The following PRDM2 variants were observed in gnomAD, a reference collection of about 807,000 sequenced individuals.
PRDM2 encodes the protein PR/SET domain 2.
In PRDM2, 30 loss-of-function variants were observed where a neutral mutation model predicts 130.0. The observed-to-expected ratio is 0.23, with a 90% CI of 0.17 to 0.31. PRDM2 has a LOEUF of 0.31. Ranked by LOEUF, PRDM2 falls within the 10% of genes least tolerant of loss-of-function variation. The pLI is 1.00. For synonymous variants in PRDM2, 871 were observed against 782.4 expected (o/e 1.11, Z -1.89); for missense variants, 2,011 against 2,108.4 (o/e 0.95, Z 0.90).
chr1:13,765,539 C>T (rs917205903), intron 6 of PRDM2, among the ~76,000 whole-genome samples: 2 of 151,976 alleles, frequency 1.3e-5, no homozygotes, highest in Non-Finnish European at 2.9e-5. Context: ...GATCTAGGCT[C>T]ACTGCAGCCT....
chr1:13,719,816 AG>A, intron 2 of PRDM2, among the ~76,000 whole-genome samples: 1 of 152,206 alleles, frequency 6.6e-6, no homozygotes, highest in Non-Finnish European at 1.5e-5. Flanking sequence ...GTTCCAGCAT[AG>A]TAGCTTAGAT....
chr1:13,819,224 G>A (rs922356751), intron 9 of PRDM2, among the ~76,000 whole-genome samples: 7 of 152,216 alleles, frequency 4.6e-5, no homozygotes, highest in Non-Finnish European at 1.0e-4. Context: ...ATTTCTGTTG[G>A]CCACTGCAGG....
chr1:13,745,863 C>T (rs562011182), intron 5 of PRDM2, among the ~76,000 whole-genome samples: 2 of 152,082 alleles, frequency 1.3e-5, no homozygotes, highest in East Asian at 1.9e-4. Context: ...CACCCACTGG[C>T]GAGTTGAGGC....
chr1:13,718,497 G>T (rs778012346), intron 2 of PRDM2, among the ~76,000 whole-genome samples: 5 of 152,286 alleles, frequency 3.3e-5, no homozygotes, highest in Non-Finnish European at 7.4e-5. Flanking sequence ...GCGCTCAGTT[G>T]TATCAGTGTG....
intron 1 of PRDM2, among the ~76,000 whole-genome samples, chr1:13,713,807 G>A (rs1448710927): frequency 6.6e-6 from 1 of 152,126 alleles, no homozygotes; most frequent in Non-Finnish European, 1.5e-5. Context: ...GGCGTTTCTG[G>A]TCGAGGGTCA....
intron 4 of PRDM2, among the ~76,000 whole-genome samples, chr1:13,739,512 G>A (rs942731743): frequency 4.6e-5 from 7 of 152,028 alleles, no homozygotes; most frequent in East Asian, 1.9e-4. Context: ...GAAATAAATC[G>A]TGCCATATAA....
At chr1:13,750,941 G>A (rs78384618) in intron 6 of PRDM2, among the ~76,000 whole-genome samples, 2,632 of 152,212 alleles carry the variant, frequency 0.017, 65 homozygotes, top group African/African-American at 0.061. Context: ...TAAGTTATTT[G>A]TAGGGGGCTG....
intron 8 of PRDM2, among the ~76,000 whole-genome samples, chr1:13,792,056 G>T (rs1644849032): frequency 6.6e-6 from 1 of 152,132 alleles, no homozygotes; most frequent in Non-Finnish European, 1.5e-5. Context: ...ACTCAGTGAG[G>T]GGAGAAAGAA....
intron 8 of PRDM2, among the ~76,000 whole-genome samples, chr1:13,783,441 G>T (rs1480809314): frequency 1.3e-5 from 2 of 152,186 alleles, no homozygotes; most frequent in Non-Finnish European, 2.9e-5. Context: ...GATCTGGATG[G>T]GAAGCAGAGC....
At chr1:13,791,047 T>A (rs968844083) in intron 8 of PRDM2, among the ~76,000 whole-genome samples, 3 of 152,040 alleles carry the variant, frequency 2.0e-5, no homozygotes, top group South Asian at 2.1e-4. Context: ...GGCACACAAC[T>A]CTAAGGTGGC....
intron 8 of PRDM2, chr1:13,787,532 T>C: frequency 1.0e-6 from 1 of 983,000 alleles, no homozygotes; most frequent in South Asian, 4.7e-5. Flanking sequence ...ATTTGTTTGG[T>C]GAATTTGTGC....
intron 8 of PRDM2, among the ~76,000 whole-genome samples, chr1:13,796,100 T>G (rs1269306731): frequency 6.6e-6 from 1 of 152,224 alleles, no homozygotes; most frequent in African/African-American, 2.4e-5. Flanking sequence ...AATTTCACCC[T>G]TCTTTGAGGG....
intron 6 of PRDM2, among the ~76,000 whole-genome samples, chr1:13,768,074 G>GTTTTTTT (rs774757778): frequency 8.5e-6 from 1 of 117,756 alleles, no homozygotes; most frequent in South Asian, 3.0e-4. Flanking sequence ...TTGTCCTTGA[G>GTTTTTTT]TTTTTTTTTT....
intron 6 of PRDM2, chr1:13,770,389 T>G: frequency 2.2e-6 from 1 of 450,676 alleles, no homozygotes; most frequent in South Asian, 1.6e-5. Context: ...TTGTACTTCC[T>G]TTTGTTAAGA....
intron 8 of PRDM2, among the ~76,000 whole-genome samples, chr1:13,816,193 C>T (rs1453650402): frequency 6.6e-6 from 1 of 152,142 alleles, no homozygotes; most frequent in Non-Finnish European, 1.5e-5. Context: ...CGTGCTTCTG[C>T]GATCGCCTCC....
rs1004113930 is a variant in PRDM2 at position 13,746,627 on chromosome 1, G to A, written c.385-2734G>A. Among the ~76,000 whole-genome samples the A allele has an allele frequency of 4.0e-5, 6 of 151,718 alleles. No individual in the cohort carries two copies. The South Asian group carries it at 1.2e-3, about 32-fold the overall frequency. On this transcript the variant is annotated intron_variant, in intron 5 of 9. Coordinates refer to ENST00000311066, the MANE Select transcript of PRDM2 (RefSeq NM_001393986.1). ...GCTGGAGTGCAGTGACACAATCTTGGCTCACTGCAGCCTCCACCTCCCAAG... is the reference window on the plus strand; with the variant it reads ...GCTGGAGTGCAGTGACACAATCTTGACTCACTGCAGCCTCCACCTCCCAAG...
Position 13,732,809 on chromosome 1 carries a change from G to A in PRDM2, c.158G>A (p.Gly53Asp). The part of the protein sequence containing the change: ...GVWATKPILK[G>D]KKFGPFVGDK... ...TGGGCCACTAAACCAATTTTAAAAGGCAAAAAATTTGGGCCATTTGTTGGT... is the reference window on the plus strand; with the variant it reads ...TGGGCCACTAAACCAATTTTAAAAGACAAAAAATTTGGGCCATTTGTTGGT... Residue 53 changes from glycine (G) to aspartate (D), a missense_variant, in exon 4 of 10, where the codon GGC becomes GAC. By Grantham distance (94) the Gly-to-Asp change is moderately conservative. Coordinates refer to ENST00000311066, the MANE Select transcript of PRDM2 (RefSeq NM_001393986.1). 6.2e-7 allele frequency: 1 copy of A among 1,607,590 alleles called. No individual in the cohort carries two copies. The highest frequency in any genetic ancestry group is 8.5e-7 in the Non-Finnish European group (1 of 1,177,126).
At position 13,708,097 on chromosome 1, in the gene PRDM2, A is replaced by G. The variant is rs6693939; in HGVS notation, c.-65-7444A>G. 2.6e-5 allele frequency among the ~76,000 whole-genome samples: 4 copies of G among 151,858 alleles called. No individual in the cohort carries two copies. The South Asian group carries it at 8.3e-4, about 31-fold the overall frequency. ...AATCAATAATAAAGAATAAATAATCAGCAACTGCCATACGTTTACTTCTGA... is the reference window on the plus strand; with the variant it reads ...AATCAATAATAAAGAATAAATAATCGGCAACTGCCATACGTTTACTTCTGA... On this transcript the variant is annotated intron_variant, in intron 1 of 9. Coordinates refer to ENST00000311066, the MANE Select transcript of PRDM2 (RefSeq NM_001393986.1).
rs1234144606 is a variant in PRDM2 at position 13,781,473 on chromosome 1, C to T, written c.3678C>T (p.Ser1226=). The change falls in exon 8 of 10, where the codon AGC becomes AGT. Residue 1226 remains serine, a synonymous_variant. Coordinates refer to ENST00000311066, the MANE Select transcript of PRDM2 (RefSeq NM_001393986.1). This position sits in a 1 kb window ranked among gnomAD's most constrained non-coding sequence, Gnocchi z 6.1. ...TGTGCACACATCACGAGTTTGAAAG[C>T]GGGACTCTGAGGCCCCAGAACTTTA... The part of the protein sequence containing the change: ...DKVCTHHEFE[S]GTLRPQNFTD... The T allele has an allele frequency of 1.9e-6, 3 of 1,613,320 alleles. No homozygotes were observed. The highest frequency in any genetic ancestry group is 2.5e-6 in the Non-Finnish European group (3 of 1,179,798).
Sources: allele counts gnomAD v4.1 joint callset (sites outside exome capture counted in the v4.1 genomes callset), GRCh38; gene constraint gnomAD v4.1.1; non-coding constraint Gnocchi (gnomAD v3.1); transcripts MANE v1.5; gene names NCBI Gene and HGNC (gene_info 2026-07-23, HGNC 2026-07-21).